Variants in GRID1 observed in about 807,000 individuals in gnomAD.
GRID1 encodes glutamate ionotropic receptor delta type subunit 1, also known as glutamate receptor ionotropic, delta-1.
GRID1 carries 28 observed loss-of-function variants against 98.0 expected under a neutral mutation model. The observed-to-expected ratio is 0.29, with a 90% CI of 0.21 to 0.39. The LOEUF is 0.39. Ranked by LOEUF, GRID1 falls within the 10% of genes least tolerant of loss-of-function variation. GRID1 has a pLI of 1.00. For synonymous variants in GRID1, 553 were observed against 538.5 expected (o/e 1.03, Z -0.37); for missense variants, 1,111 against 1,340.5 (o/e 0.83, Z 2.67).
At chr10:86,155,267 G>A (rs375527539) in intron 3 of GRID1, among the ~76,000 whole-genome samples, 11 of 152,230 alleles carry the variant, frequency 7.2e-5, no homozygotes, top group African/African-American at 2.4e-4. Flanking sequence ...CCAATAGCTG[G>A]TGATCACTTT....
intron 5 of GRID1, among the ~76,000 whole-genome samples, chr10:85,892,824 T>C (rs1170733031): frequency 6.6e-6 from 1 of 151,852 alleles, no homozygotes; most frequent in Non-Finnish European, 1.5e-5. Context: ...TTTCAGAAAA[T>C]TGAAGAGGAG....
rs141252304 is a variant in GRID1 at position 85,691,229 on chromosome 10, C to G, written c.1997+31774G>C. ...CACATTATTGTCTGTTAATGCCACC[C>G]AGTATTCCTTAAACACTGACCTCCT... On this transcript the variant is annotated intron_variant, in intron 12 of 15. Coordinates refer to ENST00000327946, the MANE Select transcript of GRID1 (RefSeq NM_017551.3). Among the ~76,000 whole-genome samples the G allele has an allele frequency of 2.3e-3, 353 of 152,290 alleles. 2 individuals carry two copies. Among genetic ancestry groups the G allele is most frequent in the Middle Eastern group, 0.014 (4 of 294 alleles).
At chr10:85,807,729 A>T (rs1349867532) in intron 8 of GRID1, among the ~76,000 whole-genome samples, 1 of 152,180 alleles carries the variant, frequency 6.6e-6, no homozygotes, top group African/African-American at 2.4e-5. Flanking sequence ...AAAAATAGTA[A>T]GGGGTGAAGA....
At chr10:85,780,292 G>A (rs370602901) in intron 8 of GRID1, among the ~76,000 whole-genome samples, 4 of 152,160 alleles carry the variant, frequency 2.6e-5, no homozygotes, top group African/African-American at 7.2e-5. Context: ...ATCAGCAGCT[G>A]GGATTCAGAA....
intron 8 of GRID1, among the ~76,000 whole-genome samples, chr10:85,824,964 G>T (rs1366133195): frequency 6.6e-6 from 1 of 152,156 alleles, no homozygotes; most frequent in Admixed American, 6.5e-5. Flanking sequence ...GGATACTTAG[G>T]TTGGTTCCAT....
intron 4 of GRID1, among the ~76,000 whole-genome samples, chr10:86,078,450 G>A (rs1843916553): frequency 1.3e-5 from 2 of 152,162 alleles, no homozygotes; most frequent in African/African-American, 4.8e-5. Flanking sequence ...CGGGTGCTCC[G>A]CGGCCTGCAG....
chr10:86,218,614 T>C (rs1236347752), intron 2 of GRID1, among the ~76,000 whole-genome samples: 2 of 152,170 alleles, frequency 1.3e-5, no homozygotes, highest in Non-Finnish European at 2.9e-5. Context: ...GCACCTGCTG[T>C]TCCCCTGCCA....
At chr10:86,114,940 A>G (rs1157448105) in intron 4 of GRID1, among the ~76,000 whole-genome samples, 1 of 152,228 alleles carries the variant, frequency 6.6e-6, no homozygotes, top group African/African-American at 2.4e-5. Context: ...ACAGCAGGTA[A>G]GAATCCACCT....
At chr10:86,055,277 T>C (rs531994587) in intron 4 of GRID1, among the ~76,000 whole-genome samples, 1 of 152,218 alleles carries the variant, frequency 6.6e-6, no homozygotes, top group Non-Finnish European at 1.5e-5. Context: ...AGTACCATTA[T>C]TGCTGCTAAA....
chr10:85,799,357 G>T (rs1019149482), intron 8 of GRID1, among the ~76,000 whole-genome samples: 1 of 151,960 alleles, frequency 6.6e-6, no homozygotes, highest in Non-Finnish European at 1.5e-5. Flanking sequence ...GTTTAGAACT[G>T]TTTTCTTCTA....
intron 2 of GRID1, among the ~76,000 whole-genome samples, chr10:86,269,386 C>T (rs1453617272): frequency 1.3e-5 from 2 of 152,226 alleles, no homozygotes; most frequent in Non-Finnish European, 2.9e-5. Flanking sequence ...GCCCCAGCTC[C>T]TGCTGTGTGG....
intron 2 of GRID1, among the ~76,000 whole-genome samples, chr10:86,298,825 C>T (rs530146324): frequency 2.6e-5 from 4 of 152,130 alleles, no homozygotes; most frequent in Admixed American, 6.5e-5. Context: ...TCTGGAGGCC[C>T]GGTGCTGAGC....
chr10:86,202,161 G>C (rs1156256438), intron 3 of GRID1, among the ~76,000 whole-genome samples: 1 of 152,242 alleles, frequency 6.6e-6, no homozygotes, highest in Non-Finnish European at 1.5e-5. Flanking sequence ...GACCAAGAAA[G>C]GACTGCCGTG....
chr10:86,044,663 C>T (rs1843396473), intron 4 of GRID1, among the ~76,000 whole-genome samples: 1 of 152,222 alleles, frequency 6.6e-6, no homozygotes, highest in Non-Finnish European at 1.5e-5. Flanking sequence ...GAATCCCCAA[C>T]TCTTAGAGAT....
intron 4 of GRID1, among the ~76,000 whole-genome samples, chr10:86,003,339 G>C (rs549956334): frequency 1.3e-5 from 2 of 152,372 alleles, no homozygotes; most frequent in African/African-American, 4.8e-5. Context: ...GAGAGCCCAT[G>C]AGGCAGCTGA....
intron 8 of GRID1, among the ~76,000 whole-genome samples, chr10:85,781,829 G>T (rs1842384274): frequency 6.6e-6 from 1 of 150,460 alleles, no homozygotes; most frequent in African/African-American, 2.4e-5. Flanking sequence ...CCAAAAACTA[G>T]TTCAAGATCA....
intron 4 of GRID1, among the ~76,000 whole-genome samples, chr10:86,000,052 A>G (rs898332537): frequency 2.6e-5 from 4 of 152,224 alleles, no homozygotes; most frequent in African/African-American, 9.6e-5. Flanking sequence ...TTCACAACCA[A>G]CAATAATGTC....
At chr10:86,161,181 C>A (rs1845316544) in intron 3 of GRID1, among the ~76,000 whole-genome samples, 1 of 152,174 alleles carries the variant, frequency 6.6e-6, no homozygotes, top group Admixed American at 6.5e-5. Flanking sequence ...AAGGTGTGAG[C>A]CATGCTTTTA....
intron 2 of GRID1, among the ~76,000 whole-genome samples, chr10:86,226,214 C>T (rs1423784345): frequency 6.6e-6 from 1 of 151,952 alleles, no homozygotes; most frequent in Non-Finnish European, 1.5e-5. Context: ...CCCACCCACC[C>T]CTGGCCGTCA....
Sources: gnomAD v4.1 joint callset for allele counts (sites outside exome capture counted in the v4.1 genomes callset) on GRCh38, gnomAD v4.1.1 for gene constraint, MANE v1.5 for transcripts, NCBI Gene and HGNC (gene_info 2026-07-23, HGNC 2026-07-21) for gene names.